SYN3: variants seen among roughly 807,000 people sequenced by gnomAD.
SYN3 encodes the protein synapsin III.
SYN3 carries 35 observed loss-of-function variants against 65.8 expected under a neutral mutation model. The ratio of observed to expected loss-of-function variants is 0.53; its 90% CI spans 0.41 to 0.70. SYN3 has a LOEUF of 0.70. Among genes scored for constraint, SYN3 ranks in the 30% least tolerant of loss-of-function variants. The pLI is 0.00. For synonymous variants in SYN3, 270 were observed against 292.9 expected (o/e 0.92, Z 0.80); for missense variants, 680 against 749.0 (o/e 0.91, Z 1.08).
At chr22:32,879,888 G>T (rs551025550) in intron 4 of SYN3, among the ~76,000 whole-genome samples, 2 of 152,206 alleles carry the variant, frequency 1.3e-5, no homozygotes, top group Non-Finnish European at 1.5e-5. Context: ...AAATAATGAG[G>T]AGTGGTGGGA....
chr22:32,842,247 T>C (rs1444572058), intron 6 of SYN3, among the ~76,000 whole-genome samples: 2 of 152,326 alleles, frequency 1.3e-5, no homozygotes, highest in Middle Eastern at 3.4e-3. Context: ...TGATCTGTCC[T>C]TTCAGCTTCT....
intron 6 of SYN3, among the ~76,000 whole-genome samples, chr22:32,756,872 A>G (rs1487484881): frequency 6.6e-6 from 1 of 152,198 alleles, no homozygotes; most frequent in Non-Finnish European, 1.5e-5. Flanking sequence ...GTATTTCTTT[A>G]TAGCAATGAA....
chr22:32,720,555 C>T (rs2147287252), intron 6 of SYN3, among the ~76,000 whole-genome samples: 1 of 152,320 alleles, frequency 6.6e-6, no homozygotes, highest in Non-Finnish European at 1.5e-5. Context: ...AAGGCTAGAA[C>T]CTAGGTCCTC....
intron 4 of SYN3, among the ~76,000 whole-genome samples, chr22:32,894,872 G>A (rs1361150116): frequency 6.6e-6 from 1 of 152,228 alleles, no homozygotes; most frequent in Non-Finnish European, 1.5e-5. Context: ...CTGCCTGCCT[G>A]TTGAAGTAGG....
At chr22:32,692,343 T>C (rs1457820934) in intron 6 of SYN3, among the ~76,000 whole-genome samples, 1 of 152,082 alleles carries the variant, frequency 6.6e-6, no homozygotes, top group Non-Finnish European at 1.5e-5. Context: ...GGGGAAGCCC[T>C]GGGAAGCCAC....
intron 6 of SYN3, among the ~76,000 whole-genome samples, chr22:32,641,029 T>C (rs1234509787): frequency 6.6e-6 from 1 of 152,228 alleles, no homozygotes; most frequent in Non-Finnish European, 1.5e-5. Flanking sequence ...CGCCCAGGTC[T>C]CTGCCTCTGC....
intron 6 of SYN3, among the ~76,000 whole-genome samples, chr22:32,641,343 T>C (rs1296445304): frequency 6.6e-6 from 1 of 152,018 alleles, no homozygotes; most frequent in Non-Finnish European, 1.5e-5. Flanking sequence ...GCGCGGTGGT[T>C]CATGCCTGTA....
At position 32,721,815 on chromosome 22, in the gene SYN3, T is replaced by G. The variant is rs540078756; in HGVS notation, c.712-125079A>C. On this transcript the variant is annotated intron_variant, in intron 6 of 13. Transcript: ENST00000358763. ...TCGTCTGAGAAAACAACAGAAGTGT[T>G]GAGAAGAGTGAGTGGGAGCAGGGAA... Among the ~76,000 whole-genome samples the G allele has an allele frequency of 4.6e-5, 7 of 152,170 alleles. No homozygotes were observed. The East Asian group carries it at 1.2e-3, about 25-fold the overall frequency.
chr22:33,020,791 G>T (rs133960), intron 1 of SYN3, among the ~76,000 whole-genome samples: 1 of 152,076 alleles, frequency 6.6e-6, no homozygotes, highest in Non-Finnish European at 1.5e-5. Context: ...GAGGCAGTAA[G>T]CTTGAAGGTT....
chr22:32,762,296 T>C (rs1360954899), intron 6 of SYN3, among the ~76,000 whole-genome samples: 2 of 150,620 alleles, frequency 1.3e-5, no homozygotes, highest in Non-Finnish European at 3.0e-5. Context: ...GGCACCCTCT[T>C]CTCCCCGTCC....
chr22:32,988,784 T>C (rs540551894), intron 2 of SYN3, among the ~76,000 whole-genome samples: 30 of 152,094 alleles, frequency 2.0e-4, no homozygotes, highest in Non-Finnish European at 3.8e-4. Context: ...TGGATGTGTG[T>C]GTCTGCCAAA....
At chr22:32,830,781 C>T (rs1226025201) in intron 6 of SYN3, among the ~76,000 whole-genome samples, 1 of 152,184 alleles carries the variant, frequency 6.6e-6, no homozygotes, top group Non-Finnish European at 1.5e-5. Context: ...GTGTATCCGC[C>T]TCACGCTTCT....
intron 1 of SYN3, among the ~76,000 whole-genome samples, chr22:33,025,088 C>G (rs2053617805): frequency 6.6e-6 from 1 of 152,086 alleles, no homozygotes; most frequent in Admixed American, 6.6e-5. Context: ...GCCTGTAATC[C>G]CAACACTTTG....
intron 3 of SYN3, among the ~76,000 whole-genome samples, chr22:32,941,380 T>C (rs1177358103): frequency 6.6e-6 from 1 of 152,256 alleles, no homozygotes; most frequent in African/African-American, 2.4e-5. Context: ...TTCCACCTTG[T>C]TGAAAGCTTG....
chr22:32,527,740 C>T, intron 12 of SYN3, 178 bp downstream of exon 12: 1 of 567,248 alleles, frequency 1.8e-6, no homozygotes. Context: ...TTCTATTTCC[C>T]TTCTCCTTTC....
At chr22:32,849,677 G>T in intron 6 of SYN3, 1 of 779,092 alleles carries the variant, frequency 1.3e-6, no homozygotes. Context: ...GCTGGAGAGG[G>T]AGCTGCTAAG....
chr22:32,643,322 C>T lies in SYN3; in HGVS notation c.712-46586G>A, dbSNP rs186566549. Among the ~76,000 whole-genome samples, 594 of 152,168 alleles carry T rather than the reference C, an allele frequency of 3.9e-3. 2 individuals carry two copies. Among genetic ancestry groups the T allele is most frequent in the African/African-American group, 0.012 (517 of 41,526 alleles). On this transcript the variant is annotated intron_variant, in intron 6 of 13. Transcript: ENST00000358763. ...CTTGAACTCCTGACCTTGTGACCCA[C>T]CCACCTCGGCCTGCCAAAGTGCTGG...
chr22:32,998,709 T>C (rs908537020), intron 2 of SYN3, among the ~76,000 whole-genome samples: 1 of 147,546 alleles, frequency 6.8e-6, no homozygotes, highest in Admixed American at 6.9e-5. Context: ...TTTTATTTTT[T>C]GGGTCATGTT....
At chr22:32,862,934 T>C (rs2048586439) in intron 6 of SYN3, 1 of 152,692 alleles carries the variant, frequency 6.5e-6, no homozygotes. Flanking sequence ...ATGTTATTTA[T>C]GAATTTTATA....
Sources: gnomAD v4.1 joint callset for allele counts (sites outside exome capture counted in the v4.1 genomes callset) on GRCh38, gnomAD v4.1.1 for gene constraint, MANE v1.5 for transcripts, NCBI Gene and HGNC (gene_info 2026-07-23, HGNC 2026-07-21) for gene names.